EPB41L2: variants seen among roughly 807,000 people sequenced by gnomAD.
EPB41L2 encodes the protein erythrocyte membrane protein band 4.1 like 2.
EPB41L2 carries 43 observed loss-of-function variants against 113.0 expected under a neutral mutation model. The observed-to-expected ratio is 0.38, with a 90% CI of 0.30 to 0.49. The LOEUF is 0.49. EPB41L2 is among the 20% of genes least tolerant of loss of function. The probability of loss-of-function intolerance (pLI) is 0.95; values close to 1 mark genes in which losing one functional copy is unlikely to be tolerated. For synonymous variants in EPB41L2, 442 were observed against 436.7 expected, an observed-to-expected ratio of 1.01 and a Z score of -0.15; for missense variants, 1,147 against 1,223.4, an observed-to-expected ratio of 0.94 and a Z score of 0.93.
chr6:130,954,040 C>CTTTCTTTCTTTTTTTTTTTTTTTTTTTTT (rs1816373036), intron 3 of EPB41L2, among the ~76,000 whole-genome samples: 1 of 58,850 alleles, frequency 1.7e-5, no homozygotes, highest in African/African-American at 5.4e-5. Context: ...CCTTTTCTTT[C>CTTTCTTTCTTTTTTTTTTTTTTTTTTTTT]TTTTTTTTTT....
At chr6:130,900,891 C>A in intron 7 of EPB41L2, 71 bp downstream of exon 7, 1 of 1,530,152 alleles carries the variant, frequency 6.5e-7, no homozygotes, top group Non-Finnish European at 9.0e-7. Context: ...GCTCAAATGT[C>A]TAGTAAGTGC....
intron 19 of EPB41L2, among the ~76,000 whole-genome samples, chr6:130,845,165 C>G (rs1448462993): frequency 6.6e-6 from 1 of 152,232 alleles, no homozygotes; most frequent in East Asian, 1.9e-4. Flanking sequence ...TTAAAATATA[C>G]ACGAAGTGTA....
At chr6:130,879,467 T>C (rs899667929) in intron 13 of EPB41L2, among the ~76,000 whole-genome samples, 3 of 152,116 alleles carry the variant, frequency 2.0e-5, no homozygotes, top group Admixed American at 6.5e-5. Flanking sequence ...AGTTCTCCAT[T>C]GAATACATTG....
At chr6:130,907,880 G>T (rs1405524944) in intron 5 of EPB41L2, among the ~76,000 whole-genome samples, 3 of 152,126 alleles carry the variant, frequency 2.0e-5, no homozygotes, top group Non-Finnish European at 4.4e-5. Context: ...AGTACAAAGG[G>T]CATCTTGCAT....
intron 1 of EPB41L2, among the ~76,000 whole-genome samples, chr6:130,971,882 T>C (rs1776877704): frequency 6.6e-6 from 1 of 152,154 alleles, no homozygotes; most frequent in Non-Finnish European, 1.5e-5. Flanking sequence ...AAATAAAATA[T>C]TCATTTCAAC....
At position 131,033,520 on chromosome 6, in the gene EPB41L2, G is replaced by A. The variant is rs182633563; in HGVS notation, c.-15+29635C>T. On this transcript the variant is annotated intron_variant, in intron 1 of 19. Transcript: ENST00000337057. ...GTTCATAACAGCATTATTCACAATAGACAAAAGGTAGAAACAAAAATGTCC... is the reference window on the plus strand; with the variant it reads ...GTTCATAACAGCATTATTCACAATAAACAAAAGGTAGAAACAAAAATGTCC... Among the ~76,000 whole-genome samples, 156 of 152,194 alleles carry A rather than the reference G, an allele frequency of 1.0e-3. 4 individuals are homozygous for A. The South Asian group carries it at 0.032, about 31-fold the overall frequency.
At chr6:131,029,438 A>T (rs1048781414) in intron 1 of EPB41L2, among the ~76,000 whole-genome samples, 8 of 151,262 alleles carry the variant, frequency 5.3e-5, no homozygotes, top group Non-Finnish European at 1.0e-4. Flanking sequence ...CACTAGTCAA[A>T]TTCTGAAAAC....
Position 130,869,543 on chromosome 6 carries a change from C to T in EPB41L2, c.2607+20G>A. ...AGAAGCAGCTCTAGAGTTTGGCTCCCACCTGGGACTCCCATTTACCTCTGA... is the reference window on the plus strand; with the variant it reads ...AGAAGCAGCTCTAGAGTTTGGCTCCTACCTGGGACTCCCATTTACCTCTGA... On this transcript the variant is annotated intron_variant, in intron 15 of 19. Coordinates refer to ENST00000337057, the MANE Select transcript of EPB41L2 (RefSeq NM_001431.4). 1 of 1,606,948 alleles carries T rather than the reference C, an allele frequency of 6.2e-7. No homozygotes were observed. Among genetic ancestry groups the T allele is most frequent in the Non-Finnish European group, 8.5e-7 (1 of 1,175,716 alleles).
intron 12 of EPB41L2, among the ~76,000 whole-genome samples, chr6:130,884,440 CT>C: frequency 6.6e-6 from 1 of 152,304 alleles, no homozygotes; most frequent in Non-Finnish European, 1.5e-5. Context: ...AAAAAAGTCG[CT>C]TTGTGCAGAC....
intron 1 of EPB41L2, among the ~76,000 whole-genome samples, chr6:130,963,119 G>A (rs1047597975): frequency 7.9e-5 from 12 of 152,090 alleles, no homozygotes; most frequent in African/African-American, 1.9e-4. Flanking sequence ...CTCCTTGATC[G>A]CGCCACACAT....
intron 1 of EPB41L2, among the ~76,000 whole-genome samples, chr6:131,034,116 C>T (rs951343221): frequency 6.6e-6 from 1 of 152,118 alleles, no homozygotes; most frequent in African/African-American, 2.4e-5. Flanking sequence ...GTCAGCATGC[C>T]AGTTTCTGAA....
chr6:130,958,468 C>CAAAAAAAAAAAAAAAA, intron 1 of EPB41L2, among the ~76,000 whole-genome samples: 1 of 113,878 alleles, frequency 8.8e-6, no homozygotes, highest in Non-Finnish European at 1.9e-5. Context: ...ACAACAACAA[C>CAAAAAAAAAAAAAAAA]AAAAAAAAAA....
intron 1 of EPB41L2, among the ~76,000 whole-genome samples, chr6:130,966,549 G>T (rs1775249973): frequency 6.6e-6 from 1 of 152,144 alleles, no homozygotes; most frequent in Admixed American, 6.5e-5. Context: ...TCCTTTAAAT[G>T]AGTAAAGAAA....
intron 1 of EPB41L2, among the ~76,000 whole-genome samples, chr6:130,968,956 G>A (rs889855843): frequency 2.6e-5 from 4 of 152,174 alleles, no homozygotes; most frequent in Non-Finnish European, 5.9e-5. Flanking sequence ...GGCATTCAAC[G>A]TCTGGAGTCC....
At chr6:131,008,278 C>A (rs761629358) in intron 1 of EPB41L2, among the ~76,000 whole-genome samples, 39 of 152,232 alleles carry the variant, frequency 2.6e-4, no homozygotes, top group Non-Finnish European at 3.1e-4. Context: ...GCCATTGCTT[C>A]AGAGGTGCAA....
intron 19 of EPB41L2, among the ~76,000 whole-genome samples, chr6:130,850,091 A>G (rs1439945334): frequency 6.6e-6 from 1 of 152,142 alleles, no homozygotes; most frequent in Non-Finnish European, 1.5e-5. Context: ...TACAAAAATT[A>G]GCTGGGCATG....
At chr6:130,908,283 A>G (rs185196116) in intron 5 of EPB41L2, among the ~76,000 whole-genome samples, 25 of 152,314 alleles carry the variant, frequency 1.6e-4, no homozygotes, top group African/African-American at 6.0e-4. Context: ...GCCCAGGCTC[A>G]AAGAGTATGC....
chr6:130,888,229 C>T (rs999457695), intron 11 of EPB41L2, among the ~76,000 whole-genome samples: 2 of 152,108 alleles, frequency 1.3e-5, no homozygotes, highest in African/African-American at 4.8e-5. Flanking sequence ...AATATAAGCC[C>T]TAATCAAAGA....
At chr6:131,039,578 C>T (rs934582056) in intron 1 of EPB41L2, among the ~76,000 whole-genome samples, 1 of 152,140 alleles carries the variant, frequency 6.6e-6, no homozygotes, top group African/African-American at 2.4e-5. Context: ...GTAGCACTTT[C>T]CTATAATGTA....
Sources: allele counts gnomAD v4.1 joint callset (sites outside exome capture counted in the v4.1 genomes callset), GRCh38; gene constraint gnomAD v4.1.1; transcripts MANE v1.5; gene names NCBI Gene and HGNC (gene_info 2026-07-23, HGNC 2026-07-21).